SLC25A26: variants seen among roughly 807,000 people sequenced by gnomAD.
SLC25A26 encodes mitochondrial S-adenosylmethionine carrier protein.
Under a neutral mutation model 37.8 loss-of-function variants are expected in SLC25A26, and 36 were observed. The ratio of observed to expected loss-of-function variants is 0.95; its 90% CI spans 0.73 to 1.26. SLC25A26 has a LOEUF of 1.26. Among genes scored for constraint, SLC25A26 ranks in the 50% most tolerant of loss-of-function variants. The probability of loss-of-function intolerance (pLI) is 0.00; values close to 1 mark genes in which losing one functional copy is unlikely to be tolerated. For synonymous variants in SLC25A26, 129 were observed against 122.5 expected (o/e 1.05, Z -0.35); for missense variants, 390 against 331.1 (o/e 1.18, Z -1.38).
rs1329326570 is a variant in SLC25A26, at chr3:66,160,006, C to CT, written c.-354+26031dup. 1.8e-4 allele frequency among the ~76,000 whole-genome samples: 28 copies of CT among 151,572 alleles called. No homozygotes were observed. The East Asian group carries it at 4.7e-3, about 25-fold the overall frequency. ...CATTAATAAAATACTAATAATGAAT[C>CT]TTTTTTTTTCTTTTTTGGGACAGTC... is the stretch of plus-strand genomic sequence containing the variant. On this transcript the variant is annotated intron_variant, in intron 1 of 10. Transcript: ENST00000676754.
intron 1 of SLC25A26, among the ~76,000 whole-genome samples, chr3:66,228,712 TAA>T (rs1323759886): frequency 1.3e-5 from 2 of 152,234 alleles, no homozygotes; most frequent in Admixed American, 6.5e-5. Context: ...CTGAGCACTT[TAA>T]AAGTGCTTAT....
intron 1 of SLC25A26, among the ~76,000 whole-genome samples, chr3:66,184,568 G>A (rs914514950): frequency 2.3e-3 from 21 of 8,976 alleles, no homozygotes; most frequent in African/African-American, 7.4e-3. Context: ...CATCAGGACC[G>A]TTATGTTCAC....
intron 1 of SLC25A26, among the ~76,000 whole-genome samples, chr3:66,201,299 A>G (rs1448245040): frequency 1.3e-5 from 2 of 151,752 alleles, no homozygotes; most frequent in Non-Finnish European, 2.9e-5. Context: ...AACAAAATAT[A>G]TGTTGATATA....
At chr3:66,135,934 A>G (rs1383672213) in intron 1 of SLC25A26, among the ~76,000 whole-genome samples, 1 of 152,246 alleles carries the variant, frequency 6.6e-6, no homozygotes, top group Non-Finnish European at 1.5e-5. Context: ...GTAATCCTAC[A>G]GGGATATACA....
chr3:66,296,991 G>A (rs2074923133), intron 5 of SLC25A26, among the ~76,000 whole-genome samples: 1 of 152,218 alleles, frequency 6.6e-6, no homozygotes, highest in South Asian at 2.1e-4. Flanking sequence ...TTGTCCAATG[G>A]TGGAAGCCTC....
chr3:66,286,910 A>G (rs2074531004), intron 5 of SLC25A26, among the ~76,000 whole-genome samples: 1 of 152,024 alleles, frequency 6.6e-6, no homozygotes, highest in South Asian at 2.1e-4. Flanking sequence ...TGATCTGCCC[A>G]ACACAGCCTC....
In SLC25A26 at chr3:66,236,628, T is replaced by C; in HGVS notation, c.118T>C (p.Phe40Leu). 1 of 1,530,316 alleles carries C rather than the reference T, an allele frequency of 6.5e-7. No individual in the cohort carries two copies. Among genetic ancestry groups the C allele is most frequent in the Non-Finnish European group, 8.8e-7 (1 of 1,142,260 alleles). 94.8% of individuals were successfully genotyped at this position (1,530,316 alleles called of 1,614,324 possible). Residue 40 changes from phenylalanine to leucine, a missense_variant, in exon 2 of 10, where the codon TTT becomes CTT. Coordinates refer to ENST00000354883, the MANE Select transcript of SLC25A26 (RefSeq NM_001379210.1). ...AACCAGGCTGCAGAGTCCCCAAGGA[T>C]TTAGTAAGGCTGGTGGTTTTCATGG... ...IKTRLQSPQGFSKAGGFHGIY... is the reference protein window; with the variant it reads ...IKTRLQSPQGLSKAGGFHGIY...
rs1433772362 is a variant in SLC25A26 at position 66,370,519 on chromosome 3, G to A, written c.634-10G>A. 2.5e-6 allele frequency: 4 copies of A among 1,612,900 alleles called. No homozygotes were observed. In the South Asian group the frequency reaches 3.3e-5, roughly 13 times the overall value. On this transcript the variant is annotated splice_polypyrimidine_tract_variant and intron_variant, in intron 8 of 9. Transcript: ENST00000354883. ...GAAGATAACGGGTTTCTCTTTGTCT[G>A]TTCACACAGGCTGGCTCCAGCACTG...
intron 1 of SLC25A26, 22 bp from the exon 2 acceptor site, chr3:66,236,522 C>G (rs555919009): frequency 2.9e-6 from 4 of 1,386,462 alleles, no homozygotes; most frequent in South Asian, 3.3e-5. Flanking sequence ...TTTTCTTTTT[C>G]TTCCCTCTTT....
chr3:66,138,007 T>G (rs1166468830), intron 1 of SLC25A26, among the ~76,000 whole-genome samples: 1 of 151,878 alleles, frequency 6.6e-6, no homozygotes, highest in Non-Finnish European at 1.5e-5. Flanking sequence ...CTAATTTTTG[T>G]ATTTTTAGTA....
At chr3:66,136,412 C>T (rs891489345) in intron 1 of SLC25A26, among the ~76,000 whole-genome samples, 1 of 152,152 alleles carries the variant, frequency 6.6e-6, no homozygotes, top group Non-Finnish European at 1.5e-5. Flanking sequence ...CTCCATTGGC[C>T]TATAGATGAA....
intron 5 of SLC25A26, among the ~76,000 whole-genome samples, chr3:66,319,704 C>T (rs1359985825): frequency 6.8e-6 from 1 of 147,454 alleles, no homozygotes; most frequent in Non-Finnish European, 1.5e-5. Flanking sequence ...CTTAAGGGGT[C>T]AGCTAAACTG....
chr3:66,268,941 A>G (rs933469259), intron 5 of SLC25A26, among the ~76,000 whole-genome samples: 1 of 152,190 alleles, frequency 6.6e-6, no homozygotes, highest in Non-Finnish European at 1.5e-5. Flanking sequence ...GAGGCTCCCC[A>G]GCCATGCAAA....
chr3:66,363,312 A>G (rs183527373), intron 7 of SLC25A26, among the ~76,000 whole-genome samples: 2 of 152,340 alleles, frequency 1.3e-5, no homozygotes, highest in Non-Finnish European at 2.9e-5. Flanking sequence ...CGATTTCTGC[A>G]GAAGGCCATG....
rs150002290 is a variant in SLC25A26, at chr3:66,301,654, G to A, written c.453+38275G>A. Among the ~76,000 whole-genome samples, 9 of 152,320 alleles carry A rather than the reference G, an allele frequency of 5.9e-5. No homozygotes were observed. The East Asian group carries it at 1.7e-3, about 29-fold the overall frequency. ...CCATTTCTATACGTGTTTAGACGGA[G>A]TACCTTAAGCATTGTTTTAGTCTTT... is the stretch of plus-strand genomic sequence containing the variant. On this transcript the variant is annotated intron_variant, in intron 5 of 9. Transcript: ENST00000354883.
intron 1 of SLC25A26, among the ~76,000 whole-genome samples, chr3:66,222,623 A>T (rs1553658988): frequency 8.9e-6 from 1 of 112,450 alleles, no homozygotes; most frequent in African/African-American, 2.9e-5. Context: ...TTGAACTCTT[A>T]TCCTAATTTT....
chr3:66,225,719 C>T (rs1056750141), intron 1 of SLC25A26, among the ~76,000 whole-genome samples: 1 of 152,158 alleles, frequency 6.6e-6, no homozygotes, highest in South Asian at 2.1e-4. Context: ...TTTGTCACCT[C>T]TAGGATGCTT....
intron 5 of SLC25A26, among the ~76,000 whole-genome samples, chr3:66,276,330 CTTA>C (rs917316311): frequency 1.7e-4 from 26 of 152,034 alleles, no homozygotes; most frequent in Admixed American, 1.4e-3. Context: ...TCCTGTGATT[CTTA>C]TTACACTTTG....
At chr3:66,241,383 A>G (rs1274283537) in intron 2 of SLC25A26, among the ~76,000 whole-genome samples, 1 of 152,132 alleles carries the variant, frequency 6.6e-6, no homozygotes, top group African/African-American at 2.4e-5. Context: ...TTTGGTCACC[A>G]TTTTTTATGG....
Sources: allele counts gnomAD v4.1 joint callset (sites outside exome capture counted in the v4.1 genomes callset), GRCh38; gene constraint gnomAD v4.1.1; transcripts MANE v1.5; gene names NCBI Gene and HGNC (gene_info 2026-07-23, HGNC 2026-07-21).